MTG2: variants seen among roughly 807,000 people sequenced by gnomAD.
The protein encoded by MTG2 is mitochondrial ribosome associated GTPase 2, also known as mitochondrial ribosome-associated GTPase 2.
MTG2 carries 23 observed loss-of-function variants against 28.6 expected under a neutral mutation model. The ratio of observed to expected loss-of-function variants is 0.80; its 90% CI spans 0.58 to 1.14. The LOEUF (loss-of-function observed/expected upper bound fraction) is 1.14. Among genes scored for constraint, MTG2 ranks in the 50% most tolerant of loss-of-function variants. The pLI, the probability that MTG2 is intolerant of heterozygous loss-of-function variation, is 0.00. For synonymous variants in MTG2, 260 were observed against 251.8 expected (o/e 1.03, Z -0.31); for missense variants, 539 against 552.0 (o/e 0.98, Z 0.24).
chr20:62,193,189 T>G (rs188263543), intron 1 of MTG2, among the ~76,000 whole-genome samples: 9 of 152,294 alleles, frequency 5.9e-5, no homozygotes, highest in African/African-American at 1.9e-4. Flanking sequence ...TTTTAAATCC[T>G]TTGTACAGAA....
At chr20:62,186,858 C>T (rs530974028) in intron 1 of MTG2, among the ~76,000 whole-genome samples, 68 of 152,290 alleles carry the variant, frequency 4.5e-4, no homozygotes, top group African/African-American at 1.5e-3. Context: ...GAACTCTGTC[C>T]TCTCTTCTGT....
chr20:62,184,798 G>A (rs1169619403), intron 1 of MTG2, among the ~76,000 whole-genome samples: 1 of 152,178 alleles, frequency 6.6e-6, no homozygotes, highest in Non-Finnish European at 1.5e-5. Context: ...GGGTATTATC[G>A]TTAGGAATAC....
In MTG2 at chr20:62,199,066, G is replaced by A. The variant is rs1049115073; in HGVS notation, c.688-53G>A. ...AATCCCAGTTAGTTACAGACTCTGC[G>A]CTAACAAAGGTGCTGCCGCGGGCCG... On this transcript the variant is annotated intron_variant, in intron 5 of 6. Transcript: ENST00000370823. 3.8e-5 allele frequency: 61 copies of A among 1,609,186 alleles called. No individual in the cohort carries two copies. In the South Asian group the frequency reaches 4.5e-4, roughly 12 times the overall value.
chr20:62,190,774 C>T lies in MTG2; in HGVS notation c.-5-2642C>T, dbSNP rs375603368. On this transcript the variant is annotated intron_variant, in intron 1 of 6. Transcript: ENST00000370823. Reference sequence around the variant, plus strand: ...GGCGGCGGCCGCACAGGCACGGCTGCGGGGGCACTGGGGAGGAAGTCCGCA... The same window carrying T: ...GGCGGCGGCCGCACAGGCACGGCTGTGGGGGCACTGGGGAGGAAGTCCGCA... Among the ~76,000 whole-genome samples the T allele has an allele frequency of 1.9e-4, 29 of 152,330 alleles. No individual in the cohort carries two copies. In the East Asian group the frequency reaches 4.1e-3, roughly 21 times the overall value.
chr20:62,197,710 T>G (rs1284840993), intron 3 of MTG2, 142 bp from the exon 4 acceptor site: 3 of 600,832 alleles, frequency 5.0e-6, no homozygotes. Context: ...AAAATCACTT[T>G]GCTGGTTTTG....
At chr20:62,185,641 C>CA (rs113686867) in intron 1 of MTG2, among the ~76,000 whole-genome samples, 41 of 150,378 alleles carry the variant, frequency 2.7e-4, no homozygotes, top group African/African-American at 5.9e-4. Context: ...ACTCTTGTCT[C>CA]AAAAAAAAAC....
chr20:62,185,110 C>T (rs543362332), intron 1 of MTG2, among the ~76,000 whole-genome samples: 13 of 151,620 alleles, frequency 8.6e-5, no homozygotes, highest in African/African-American at 2.7e-4. Flanking sequence ...AACTCTGCCT[C>T]AAATAAAAAA....
At chr20:62,185,678 A>G (rs891640372) in intron 1 of MTG2, among the ~76,000 whole-genome samples, 2 of 152,074 alleles carry the variant, frequency 1.3e-5, no homozygotes, top group African/African-American at 2.4e-5. Context: ...CAGTGTTCTA[A>G]TATGTGCTGT....
At chr20:62,190,746 A>G (rs1044947240) in intron 1 of MTG2, among the ~76,000 whole-genome samples, 13 of 152,232 alleles carry the variant, frequency 8.5e-5, no homozygotes, top group Admixed American at 5.9e-4. Context: ...GTAGCGGTGC[A>G]GCGGCGGCGG....
At position 62,198,692 on chromosome 20, in the gene MTG2, TG is replaced by T; in HGVS notation, c.530del (p.Gly177GlufsTer28). The part of the protein sequence containing the change: ...GGRVVADLSC[V>X]GDEYIAALGG... ...AGAGTTGTGGCCGACCTGTCTTGCGTGGGAGATGAGTACATTGCCGCGCTGG... is the reference window on the plus strand; with the variant it reads ...AGAGTTGTGGCCGACCTGTCTTGCGTGGAGATGAGTACATTGCCGCGCTGG... On this transcript the variant is annotated frameshift_variant, in exon 5 of 7. Transcript: ENST00000370823. LOFTEE classifies it high-confidence loss of function. The T allele has an allele frequency of 6.2e-7, 1 of 1,614,084 alleles. No individual in the cohort carries two copies.
chr20:62,186,897 T>A (rs753400995), intron 1 of MTG2, among the ~76,000 whole-genome samples: 38 of 152,238 alleles, frequency 2.5e-4, no homozygotes, highest in Non-Finnish European at 2.8e-4. Context: ...TTCTTCCTTT[T>A]TTCCCCCTTT....
At chr20:62,189,668 T>A (rs1043118152) in intron 1 of MTG2, among the ~76,000 whole-genome samples, 32 of 149,504 alleles carry the variant, frequency 2.1e-4, no homozygotes, top group African/African-American at 7.6e-4. Flanking sequence ...CATTAACTTT[T>A]TTTTTTTTTT....
At chr20:62,183,300 C>G (rs2057760497) in intron 1 of MTG2, among the ~76,000 whole-genome samples, 1 of 152,156 alleles carries the variant, frequency 6.6e-6, no homozygotes, top group South Asian at 2.1e-4. Flanking sequence ...CCGGTCCTGC[C>G]CCACTCTCTC....
intron 1 of MTG2, among the ~76,000 whole-genome samples, chr20:62,186,523 T>G (rs921592525): frequency 9.2e-6 from 1 of 108,866 alleles, no homozygotes; most frequent in African/African-American, 3.9e-5. Context: ...GGGACTTTTT[T>G]TTTTGTTTTT....
Position 62,191,216 on chromosome 20 carries a change from C to T in MTG2, c.-5-2200C>T, listed in dbSNP as rs572522100. Among the ~76,000 whole-genome samples the T allele has an allele frequency of 2.6e-5, 4 of 152,280 alleles. No individual in the cohort carries two copies. In the East Asian group the frequency reaches 7.7e-4, roughly 29 times the overall value. On this transcript the variant is annotated intron_variant, in intron 1 of 6. Coordinates refer to ENST00000370823, the MANE Select transcript of MTG2 (RefSeq NM_015666.4). ...CGGGAGTCAGGAGAGGCTGAGGAAC[C>T]TTCCAGCCCAAGGAGCTGGACAAGG...
chr20:62,185,003 G>A (rs1258297931), intron 1 of MTG2, among the ~76,000 whole-genome samples: 6 of 151,952 alleles, frequency 3.9e-5, no homozygotes, highest in African/African-American at 1.5e-4. Context: ...CCAGGTACTC[G>A]GGAGGCTGAG....
In MTG2 at chr20:62,198,791, G is replaced by A. The variant is rs2058107151; in HGVS notation, c.626G>A (p.Gly209Glu). Reference sequence around the variant, plus strand: ...CGTGCCCCTGTGACCTGTACCCCTGGACAGCCAGGACAGCAGCGAGTTCTC... The same window carrying A: ...CGTGCCCCTGTGACCTGTACCCCTGAACAGCCAGGACAGCAGCGAGTTCTC... ...NNRAPVTCTP[G>E]QPGQQRVLHL... The change falls in exon 5 of 7, where the codon GGA becomes GAA. Residue 209 changes from glycine to glutamate, a missense_variant. Physicochemically the swap from Gly to Glu is moderately conservative, Grantham distance 98 (BLOSUM62 -2). Coordinates refer to ENST00000370823, the MANE Select transcript of MTG2 (RefSeq NM_015666.4). 3.7e-6 allele frequency: 6 copies of A among 1,613,972 alleles called. No homozygotes were observed. Among genetic ancestry groups the A allele is most frequent in the Non-Finnish European group, 5.1e-6 (6 of 1,180,046 alleles).
At chr20:62,183,737 T>G (rs1438810258) in intron 1 of MTG2, among the ~76,000 whole-genome samples, 1 of 152,194 alleles carries the variant, frequency 6.6e-6, no homozygotes, top group Non-Finnish European at 1.5e-5. Context: ...CTTTCTTTTG[T>G]AAAGGGGAGG....
At chr20:62,194,355 T>C (rs1025433891) in intron 2 of MTG2, among the ~76,000 whole-genome samples, 12 of 152,200 alleles carry the variant, frequency 7.9e-5, no homozygotes, top group Admixed American at 1.3e-4. Flanking sequence ...GGATGTGTGC[T>C]CAAATAGCTG....
Sources: allele counts gnomAD v4.1 joint callset (sites outside exome capture counted in the v4.1 genomes callset), GRCh38; gene constraint gnomAD v4.1.1; transcripts MANE v1.5; gene names NCBI Gene and HGNC (gene_info 2026-07-23, HGNC 2026-07-21).